RERE: variants seen among roughly 807,000 people sequenced by gnomAD.
The protein encoded by RERE is arginine-glutamic acid dipeptide repeats protein.
RERE carries 40 observed loss-of-function variants against 146.1 expected under a neutral mutation model. The ratio of observed to expected loss-of-function variants is 0.27; its 90% CI spans 0.21 to 0.36. The LOEUF (loss-of-function observed/expected upper bound fraction) is 0.36. Ranked by LOEUF, RERE falls within the 10% of genes least tolerant of loss-of-function variation. RERE has a pLI of 1.00. For synonymous variants in RERE, 1,003 were observed against 866.0 expected, an observed-to-expected ratio of 1.16 and a Z score of -2.78; for missense variants, 1,933 against 2,138.7, an observed-to-expected ratio of 0.90 and a Z score of 1.90.
At chr1:8,374,828 C>T (rs1415451645) in intron 12 of RERE, among the ~76,000 whole-genome samples, 5 of 152,196 alleles carry the variant, frequency 3.3e-5, no homozygotes, top group Non-Finnish European at 7.3e-5. Context: ...GTTTTCTGTT[C>T]CTCAGCACTC....
intron 1 of RERE, among the ~76,000 whole-genome samples, chr1:8,813,215 G>T (rs1035464637): frequency 6.6e-6 from 1 of 152,144 alleles, no homozygotes; most frequent in Middle Eastern, 3.2e-3. Context: ...TTTCTTTCAG[G>T]ATGTGTGTAT....
chr1:8,527,014 T>C (rs1245502481), intron 7 of RERE, among the ~76,000 whole-genome samples: 1 of 152,158 alleles, frequency 6.6e-6, no homozygotes, highest in African/African-American at 2.4e-5. Context: ...TTCCCAGAAA[T>C]GTAATGGAAT....
At chr1:8,741,608 T>C (rs1157839335) in intron 1 of RERE, among the ~76,000 whole-genome samples, 2 of 152,218 alleles carry the variant, frequency 1.3e-5, no homozygotes, top group African/African-American at 4.8e-5. Context: ...CACTCTGTCC[T>C]GCCACCCTGT....
Position 8,371,564 on chromosome 1 carries a change from G to A in RERE, c.1285-5590C>T, listed in dbSNP as rs185627703. Among the ~76,000 whole-genome samples, 643 of 152,244 alleles carry A rather than the reference G, an allele frequency of 4.2e-3. 5 individuals carry two copies. The highest frequency in any genetic ancestry group is 0.015 in the African/African-American group (617 of 41,540). On this transcript the variant is annotated intron_variant, in intron 12 of 22. Coordinates refer to ENST00000400908, the MANE Select transcript of RERE (RefSeq NM_001042681.2). The stretch of plus-strand genomic sequence containing the variant: ...GGGCCTAGCGGAGGGACAGCTCAGC[G>A]GCAGCCGCTCCTGCCATCCAGGGGC...
intron 10 of RERE, among the ~76,000 whole-genome samples, chr1:8,480,553 G>A (rs763160079): frequency 1.3e-5 from 2 of 150,462 alleles, no homozygotes; most frequent in African/African-American, 2.5e-5. Flanking sequence ...CTCCTGCCTC[G>A]GTCTCTCAAG....
chr1:8,746,770 T>C (rs373293382), intron 1 of RERE, among the ~76,000 whole-genome samples: 1 of 129,062 alleles, frequency 7.7e-6, no homozygotes, highest in East Asian at 2.2e-4. Flanking sequence ...AGAAGGCCTG[T>C]GTGGCTGGGG....
At position 8,355,605 on chromosome 1, in the gene RERE, G is replaced by T; in HGVS notation, c.4487-6C>A. The T allele has an allele frequency of 6.4e-7, 1 of 1,565,238 alleles. No homozygotes were observed. The highest frequency in any genetic ancestry group is 8.7e-7 in the Non-Finnish European group (1 of 1,152,824). On this transcript the variant is annotated splice_region_variant and splice_polypyrimidine_tract_variant and intron_variant, in intron 21 of 22. Coordinates refer to ENST00000400908, the MANE Select transcript of RERE (RefSeq NM_001042681.2). ...GTCACGGGGGTAGGGGGTGCCTGCC[G>T]AACACAAAACAACCTGCGCTACAGA...
chr1:8,422,658 A>T, intron 12 of RERE, 69 bp downstream of exon 12: 1 of 1,174,818 alleles, frequency 8.5e-7, no homozygotes, highest in Non-Finnish European at 1.3e-6. Context: ...ATTTCATAAG[A>T]TCAAATGTGG....
At chr1:8,767,625 A>G (rs943349668) in intron 1 of RERE, among the ~76,000 whole-genome samples, 2 of 151,064 alleles carry the variant, frequency 1.3e-5, no homozygotes, top group South Asian at 4.2e-4. Flanking sequence ...AAAGAGAAAG[A>G]AAAAAAATGC....
At chr1:8,494,967 G>A in intron 10 of RERE, 96 bp downstream of exon 10, 1 of 889,248 alleles carries the variant, frequency 1.1e-6, no homozygotes, top group Non-Finnish European at 1.9e-6. Context: ...TGAGTCTACA[G>A]GCGACTTCAT....
chr1:8,736,188 A>AGTTTGTTT (rs141597255), intron 1 of RERE, among the ~76,000 whole-genome samples: 3 of 138,346 alleles, frequency 2.2e-5, no homozygotes, highest in East Asian at 4.8e-4. Context: ...TTAAACCATC[A>AGTTTGTTT]GTTTGTTTGT....
At chr1:8,639,763 T>G (rs1413233544) in intron 2 of RERE, among the ~76,000 whole-genome samples, 1 of 152,184 alleles carries the variant, frequency 6.6e-6, no homozygotes, top group African/African-American at 2.4e-5. Context: ...TTCCTTTCCC[T>G]CTACTAAAAA....
At chr1:8,786,540 C>A in intron 1 of RERE, 1 of 781,898 alleles carries the variant, frequency 1.3e-6, no homozygotes, top group South Asian at 1.3e-5. Context: ...CTACAATCCT[C>A]AGCATGTTAA....
At chr1:8,745,218 T>C (rs571084759) in intron 1 of RERE, among the ~76,000 whole-genome samples, 22 of 152,024 alleles carry the variant, frequency 1.4e-4, no homozygotes, top group South Asian at 4.2e-4. Flanking sequence ...ATCTGAGGGA[T>C]TTATAAGGGG....
At chr1:8,490,413 A>C (rs971469938) in intron 10 of RERE, among the ~76,000 whole-genome samples, 2 of 150,260 alleles carry the variant, frequency 1.3e-5, no homozygotes, top group Non-Finnish European at 2.9e-5. Flanking sequence ...CTTCCTACGT[A>C]CAAACAATCC....
At position 8,648,704 on chromosome 1, in the gene RERE, C is replaced by A. The variant is rs78898813; in HGVS notation, c.325+7269G>T. 8.0e-3 allele frequency among the ~76,000 whole-genome samples: 1,217 copies of A among 152,146 alleles called. 13 individuals are homozygous for A. Among genetic ancestry groups the A allele is most frequent in the African/African-American group, 0.028 (1,163 of 41,510 alleles). On this transcript the variant is annotated intron_variant, in intron 2 of 22. Transcript: ENST00000400908. The stretch of plus-strand genomic sequence containing the variant: ...AAGTAAACAATTCTAGTTTCCAGGG[C>A]ATTTTTCCTCAAAATTGTCAAATAA...
intron 10 of RERE, among the ~76,000 whole-genome samples, chr1:8,485,245 T>C (rs1021626693): frequency 1.3e-5 from 2 of 151,970 alleles, no homozygotes; most frequent in East Asian, 1.9e-4. Context: ...TCTGTAATCC[T>C]AGCTACTTGG....
intron 4 of RERE, among the ~76,000 whole-genome samples, chr1:8,605,771 A>AAAAC (rs1491331726): frequency 1.1e-4 from 15 of 138,300 alleles, no homozygotes; most frequent in East Asian, 4.2e-4. Context: ...AAAAAAAAAA[A>AAAAC]CCCCTAAAAA....
At chr1:8,583,971 G>A (rs1646398003) in intron 4 of RERE, among the ~76,000 whole-genome samples, 1 of 151,700 alleles carries the variant, frequency 6.6e-6, no homozygotes, top group South Asian at 2.1e-4. Context: ...TACAACAACT[G>A]GGCTCATAAA....
Sources: gnomAD v4.1 joint callset for allele counts (sites outside exome capture counted in the v4.1 genomes callset) on GRCh38, gnomAD v4.1.1 for gene constraint, MANE v1.5 for transcripts, NCBI Gene and HGNC (gene_info 2026-07-23, HGNC 2026-07-21) for gene names.